TFDP2: variants seen among roughly 807,000 people sequenced by gnomAD.
TFDP2 encodes transcription factor Dp-2, also known as transcription factor Dp-2 (E2F dimerization partner 2).
TFDP2 carries 17 observed loss-of-function variants against 59.3 expected under a neutral mutation model. That is an observed-to-expected ratio of 0.29 (90% CI 0.20 to 0.43). TFDP2 has a LOEUF of 0.43. Ranked by LOEUF, TFDP2 falls within the 20% of genes least tolerant of loss-of-function variation. The pLI is 1.00. For missense variants in TFDP2, 391 were observed against 528.8 expected (o/e 0.74, Z 2.56); for synonymous variants, 180 against 194.7 (o/e 0.92, Z 0.63).
At chr3:142,017,352 T>C (rs923862084) in intron 3 of TFDP2, among the ~76,000 whole-genome samples, 2 of 152,078 alleles carry the variant, frequency 1.3e-5, no homozygotes, top group Non-Finnish European at 2.9e-5. Context: ...GATGAATAAA[T>C]TGGTAAGTAC....
At chr3:142,092,768 T>C (rs889055667) in intron 3 of TFDP2, among the ~76,000 whole-genome samples, 8 of 152,190 alleles carry the variant, frequency 5.3e-5, no homozygotes, top group African/African-American at 1.9e-4. Context: ...CATTTGAAAG[T>C]AGGATTGTCA....
intron 1 of TFDP2, among the ~76,000 whole-genome samples, chr3:142,112,175 A>T (rs1433642584): frequency 6.6e-6 from 1 of 152,192 alleles, no homozygotes; most frequent in East Asian, 1.9e-4. Flanking sequence ...ATTAAGTAAA[A>T]ATTATTTGCA....
chr3:142,090,724 C>T (rs2060969838), intron 3 of TFDP2: 1 of 152,132 alleles, frequency 6.6e-6, no homozygotes, highest in African/African-American at 2.4e-5. Flanking sequence ...CCACACCTGG[C>T]TAATATTTGT....
intron 3 of TFDP2, among the ~76,000 whole-genome samples, chr3:142,016,011 C>G (rs1176124003): frequency 2.6e-5 from 4 of 152,088 alleles, no homozygotes; most frequent in Admixed American, 2.0e-4. Context: ...ATGTTTTCAA[C>G]TTCTTTATTT....
rs190210080 is a variant in TFDP2 at position 142,031,320 on chromosome 3, C to G, written c.83-25776G>C. Among the ~76,000 whole-genome samples, 6 of 152,242 alleles carry G rather than the reference C, an allele frequency of 3.9e-5. No individual in the cohort carries two copies. The East Asian group carries it at 5.8e-4, about 15-fold the overall frequency. ...CACCTATTATGTATCAGGCACTGAG[C>G]TGGGCAACAAATTGACCTGTTACCT... On this transcript the variant is annotated intron_variant, in intron 3 of 12. Coordinates refer to ENST00000489671, the MANE Select transcript of TFDP2 (RefSeq NM_001178139.2).
At chr3:142,112,350 A>G (rs2061692900) in intron 1 of TFDP2, among the ~76,000 whole-genome samples, 2 of 152,214 alleles carry the variant, frequency 1.3e-5, no homozygotes, top group South Asian at 2.1e-4. Context: ...CAGCTCAGAA[A>G]TAAGAAAAAC....
intron 3 of TFDP2, chr3:142,028,456 G>T: frequency 2.2e-6 from 1 of 462,648 alleles, no homozygotes; most frequent in Non-Finnish European, 2.6e-6. Context: ...CAACAAGCAA[G>T]GACGTCTTGA....
At chr3:142,042,408 C>G (rs945800925) in intron 3 of TFDP2, among the ~76,000 whole-genome samples, 3 of 151,942 alleles carry the variant, frequency 2.0e-5, no homozygotes, top group Non-Finnish European at 4.4e-5. Flanking sequence ...TCTCCTGCCT[C>G]AGCCTCCTGA....
intron 1 of TFDP2, among the ~76,000 whole-genome samples, chr3:142,127,962 A>G (rs2062332034): frequency 6.6e-6 from 1 of 152,074 alleles, no homozygotes; most frequent in African/African-American, 2.4e-5. Context: ...GTGCTTTGGG[A>G]AGCCAAAGTG....
intron 1 of TFDP2, among the ~76,000 whole-genome samples, chr3:142,129,916 T>A (rs181893715): frequency 6.6e-6 from 1 of 152,128 alleles, no homozygotes; most frequent in South Asian, 2.1e-4. Flanking sequence ...TTAGGATGGC[T>A]ACCATCAAAC....
At chr3:142,090,705 C>T (rs1211602846) in intron 3 of TFDP2, 5 of 152,074 alleles carry the variant, frequency 3.3e-5, no homozygotes, top group African/African-American at 4.8e-5. Flanking sequence ...GGATTACAGA[C>T]ACCTGCCACC....
chr3:142,111,164 C>T (rs2061644402), intron 1 of TFDP2, among the ~76,000 whole-genome samples: 1 of 152,132 alleles, frequency 6.6e-6, no homozygotes, highest in South Asian at 2.1e-4. Context: ...TGCGGTGGCT[C>T]ACGCCTGTAA....
intron 3 of TFDP2, among the ~76,000 whole-genome samples, chr3:142,031,470 A>T (rs542481108): frequency 1.3e-5 from 2 of 152,100 alleles, no homozygotes; most frequent in Non-Finnish European, 2.9e-5. Flanking sequence ...ACACCCCTTC[A>T]ATCTGCTCTG....
chr3:142,088,321 T>A (rs1456267661), intron 3 of TFDP2, among the ~76,000 whole-genome samples: 2 of 152,000 alleles, frequency 1.3e-5, no homozygotes, highest in Non-Finnish European at 2.9e-5. Flanking sequence ...CAGCTATCTT[T>A]TTTTTTTCTT....
chr3:142,055,272 G>A (rs1411518393), intron 3 of TFDP2, among the ~76,000 whole-genome samples: 1 of 152,154 alleles, frequency 6.6e-6, no homozygotes, highest in Non-Finnish European at 1.5e-5. Flanking sequence ...ATAAAACATA[G>A]GTTCAGATAT....
chr3:141,955,538 GGA>G (rs1312396117), intron 11 of TFDP2, among the ~76,000 whole-genome samples: 3 of 152,172 alleles, frequency 2.0e-5, no homozygotes, highest in Non-Finnish European at 4.4e-5. Flanking sequence ...TGAGGGGCAA[GGA>G]GAGGCGGGGG....
Position 141,963,865 on chromosome 3 carries a change from TATGAATGGCAG to T in TFDP2, c.820_830del (p.Leu274AsnfsTer17). ...CTGTTTTTCTGCTTGTATTGATGAT[TATGAATGGCAG>T]CTGAATGGTAGAGTTCAGAGCCGGC... On this transcript the variant is annotated frameshift_variant, in exon 10 of 13. Transcript: ENST00000489671. LOFTEE classifies it high-confidence loss of function. 6.2e-7 allele frequency: 1 copy of T among 1,613,548 alleles called. No individual in the cohort carries two copies. The highest frequency in any genetic ancestry group is 8.5e-7 in the Non-Finnish European group (1 of 1,179,930).
intron 1 of TFDP2, among the ~76,000 whole-genome samples, chr3:142,111,547 GA>G (rs201735917): frequency 6.8e-6 from 1 of 147,524 alleles, no homozygotes. Context: ...ACCAAAAAAA[GA>G]AAAAAAAACA....
At chr3:142,073,236 A>C (rs1334955833) in intron 3 of TFDP2, among the ~76,000 whole-genome samples, 14 of 152,102 alleles carry the variant, frequency 9.2e-5, no homozygotes, top group Admixed American at 8.5e-4. Context: ...TGCCCAGTTA[A>C]TTTTTAAAAA....
Sources: allele counts gnomAD v4.1 joint callset (sites outside exome capture counted in the v4.1 genomes callset), GRCh38; gene constraint gnomAD v4.1.1; transcripts MANE v1.5; gene names NCBI Gene and HGNC (gene_info 2026-07-23, HGNC 2026-07-21).